The following TENM2 variants were observed in gnomAD, a reference collection of about 807,000 sequenced individuals.
TENM2 encodes the protein teneurin transmembrane protein 2, also known as teneurin-2.
Under a neutral mutation model 245.2 loss-of-function variants are expected in TENM2, and 52 were observed. The observed-to-expected ratio is 0.21, with a 90% CI of 0.17 to 0.27. The LOEUF is 0.27. TENM2 is among the 10% of genes least tolerant of loss of function. The probability of loss-of-function intolerance (pLI) is 1.00; values close to 1 mark genes in which losing one functional copy is unlikely to be tolerated. For synonymous variants in TENM2, 1,363 were observed against 1,438.9 expected, an observed-to-expected ratio of 0.95 and a Z score of 1.19; for missense variants, 3,046 against 3,666.8, an observed-to-expected ratio of 0.83 and a Z score of 4.37.
At chr5:168,102,160 G>A (rs1259015049) in intron 9 of TENM2, among the ~76,000 whole-genome samples, 2 of 151,980 alleles carry the variant, frequency 1.3e-5, no homozygotes, top group African/African-American at 2.4e-5. Context: ...CGCAACCTCC[G>A]CCTCCTGGGT....
At chr5:167,133,966 G>A in the TENM2 span, among the ~76,000 whole-genome samples, 1 of 152,164 alleles carries the variant, frequency 6.6e-6, no homozygotes, top group Non-Finnish European at 1.5e-5. Flanking sequence ...CTACTTCAGA[G>A]CTTCCAAAAC....
chr5:167,607,910 G>T (rs955478443), intron 2 of TENM2, among the ~76,000 whole-genome samples: 1 of 152,194 alleles, frequency 6.6e-6, no homozygotes, highest in Non-Finnish European at 1.5e-5. Context: ...ATTGCTTTTG[G>T]TTCTTTTTAT....
intron 1 of TENM2, among the ~76,000 whole-genome samples, chr5:167,314,396 AAG>A (rs1231505741): frequency 6.6e-6 from 1 of 152,126 alleles, no homozygotes; most frequent in Non-Finnish European, 1.5e-5. Context: ...AAAGTTAATG[AAG>A]AGTTATTATT....
chr5:168,150,035 AC>A lies in TENM2; in HGVS notation c.2423-12571del, dbSNP rs199624305. Among the ~76,000 whole-genome samples, 671 of 151,448 alleles carry A rather than the reference AC, an allele frequency of 4.4e-3. 2 individuals are homozygous for A. The highest frequency in any genetic ancestry group is 0.016 in the African/African-American group (644 of 41,242). ...AAGACAGTCACCTCCATCACACACA[AC>A]CCCCTTGTGGTCCCCTCCCCCTACA... On this transcript the variant is annotated intron_variant, in intron 12 of 28. Coordinates refer to ENST00000518659, the Ensembl canonical transcript of TENM2.
the TENM2 span, among the ~76,000 whole-genome samples, chr5:167,173,523 G>A: frequency 1.3e-5 from 2 of 152,156 alleles, no homozygotes; most frequent in African/African-American, 4.8e-5. Flanking sequence ...AACAAACTTT[G>A]TGGGCTGGAG....
At chr5:167,349,562 CTCTTT>C (rs578094542) in intron 1 of TENM2, among the ~76,000 whole-genome samples, 71 of 152,152 alleles carry the variant, frequency 4.7e-4, no homozygotes, top group Non-Finnish European at 6.9e-4. Flanking sequence ...CATAGTAATT[CTCTTT>C]TCTTATTTCT....
intron 2 of TENM2, among the ~76,000 whole-genome samples, chr5:167,834,566 A>G (rs1469621785): frequency 6.6e-6 from 1 of 152,124 alleles, no homozygotes; most frequent in African/African-American, 2.4e-5. Context: ...TTTCCATGAA[A>G]GAAAGAAAGA....
chr5:167,535,190 G>A (rs1488362430), intron 2 of TENM2, among the ~76,000 whole-genome samples: 2 of 151,790 alleles, frequency 1.3e-5, no homozygotes, highest in Admixed American at 6.6e-5. Flanking sequence ...TTTGGGGTTG[G>A]GGGGTATCTG....
chr5:167,160,364 A>C, the TENM2 span, among the ~76,000 whole-genome samples: 1 of 152,198 alleles, frequency 6.6e-6, no homozygotes, highest in Admixed American at 6.5e-5. Context: ...CCTACCACTC[A>C]TGCCCCGCCT....
At chr5:167,230,621 G>A in the TENM2 span, among the ~76,000 whole-genome samples, 1 of 152,022 alleles carries the variant, frequency 6.6e-6, no homozygotes, top group East Asian at 1.9e-4. Flanking sequence ...CTGAGTGTTG[G>A]ATTTTATCCC....
chr5:167,619,980 C>T (rs547175233), intron 2 of TENM2, among the ~76,000 whole-genome samples: 14 of 152,260 alleles, frequency 9.2e-5, no homozygotes, highest in African/African-American at 3.1e-4. Flanking sequence ...TGCTGTAGAA[C>T]CAGAGAAAAT....
intron 8 of TENM2, among the ~76,000 whole-genome samples, chr5:168,094,136 G>C (rs1051590374): frequency 1.3e-5 from 2 of 151,970 alleles, no homozygotes; most frequent in Admixed American, 6.6e-5. Context: ...CTTGGTGAGA[G>C]AAGATAGATG....
the TENM2 span, among the ~76,000 whole-genome samples, chr5:167,052,907 C>A: frequency 6.6e-6 from 1 of 152,060 alleles, no homozygotes; most frequent in South Asian, 2.1e-4. Flanking sequence ...TGTTATCTTC[C>A]TTTACTTAAA....
At chr5:168,085,497 A>G (rs1581254746) in intron 7 of TENM2, 2 of 152,188 alleles carry the variant, frequency 1.3e-5, no homozygotes, top group African/African-American at 4.8e-5. Context: ...GGCCGATTGC[A>G]TTTAGTTAAG....
At chr5:167,282,156 CA>C (rs773643534), upstream of TENM2, among the ~76,000 whole-genome samples, 3 of 152,126 alleles carry the variant, frequency 2.0e-5, no homozygotes, top group Non-Finnish European at 4.4e-5. Flanking sequence ...GATAGGATTT[CA>C]TGAGTCAGGA....
At chr5:167,476,482 G>A (rs546248187) in intron 2 of TENM2, among the ~76,000 whole-genome samples, 16 of 152,328 alleles carry the variant, frequency 1.1e-4, no homozygotes, top group African/African-American at 2.9e-4. Flanking sequence ...GTCTTGAAGT[G>A]TTGGGAAACT....
intron 9 of TENM2, among the ~76,000 whole-genome samples, chr5:168,102,467 G>A (rs1352881436): frequency 6.6e-6 from 1 of 152,194 alleles, no homozygotes; most frequent in Non-Finnish European, 1.5e-5. Context: ...CCTATCTAGA[G>A]AGTAATATTT....
intron 2 of TENM2, among the ~76,000 whole-genome samples, chr5:167,738,268 T>C (rs558097889): frequency 2.6e-5 from 4 of 152,246 alleles, no homozygotes; most frequent in East Asian, 1.9e-4. Context: ...GAGCGTAGCA[T>C]TGGGGGGCTG....
At chr5:167,605,497 G>T (rs1204483419) in intron 2 of TENM2, among the ~76,000 whole-genome samples, 1 of 152,122 alleles carries the variant, frequency 6.6e-6, no homozygotes, top group African/African-American at 2.4e-5. Context: ...TATAGTCTTA[G>T]GTCCCCAGTG....
Sources: allele counts gnomAD v4.1 joint callset (sites outside exome capture counted in the v4.1 genomes callset), GRCh38; gene constraint gnomAD v4.1.1; transcripts MANE v1.5; gene names NCBI Gene and HGNC (gene_info 2026-07-23, HGNC 2026-07-21).